The following HOOK1 variants were observed in gnomAD, a reference collection of about 807,000 sequenced individuals.
HOOK1 encodes hook microtubule tethering protein 1.
In HOOK1, 60 loss-of-function variants were observed where a neutral mutation model predicts 112.8. That is an observed-to-expected ratio of 0.53 (90% confidence interval 0.43 to 0.66). The LOEUF is 0.66. Ranked by LOEUF, HOOK1 falls within the 30% of genes least tolerant of loss-of-function variation. HOOK1 has a pLI of 0.00. For missense variants in HOOK1, 770 were observed against 856.0 expected, an observed-to-expected ratio of 0.90 and a Z score of 1.25; for synonymous variants, 294 against 283.8, an observed-to-expected ratio of 1.04 and a Z score of -0.36.
At chr1:59,861,218 G>C (rs979181936) in intron 15 of HOOK1, among the ~76,000 whole-genome samples, 4 of 152,112 alleles carry the variant, frequency 2.6e-5, no homozygotes, top group Non-Finnish European at 5.9e-5. Context: ...GGCCCACCAG[G>C]CTACTTATTC....
At chr1:59,829,236 A>T (rs1030376371) in intron 3 of HOOK1, among the ~76,000 whole-genome samples, 1 of 152,028 alleles carries the variant, frequency 6.6e-6, no homozygotes, top group African/African-American at 2.4e-5. Flanking sequence ...CTGCATTAGT[A>T]GTTATTTCTT....
At position 59,835,355 on chromosome 1, in the gene HOOK1, A is replaced by G. The variant is rs201058228; in HGVS notation, c.417A>G (p.Gln139=). 4.4e-5 allele frequency: 70 copies of G among 1,578,150 alleles called. No individual in the cohort carries two copies. Among genetic ancestry groups the G allele is most frequent in the Non-Finnish European group, 5.7e-5 (66 of 1,148,816 alleles). The change falls in exon 6 of 22, where the codon CAA becomes CAG. Residue 139 remains glutamine (Q), a synonymous_variant. Transcript: ENST00000371208. The part of the protein sequence containing the change: ...INCEKKQEHI[Q]NIMTLEESVQ... ...TTTTTTAAATCATAGAACATATTCAAAATATAATGACACTGGAAGAGTCTG... is the reference window on the plus strand; with the variant it reads ...TTTTTTAAATCATAGAACATATTCAGAATATAATGACACTGGAAGAGTCTG...
At chr1:59,821,746 C>G (rs2098385803) in intron 1 of HOOK1, 112 bp from the exon 2 acceptor site, 3 of 703,698 alleles carry the variant, frequency 4.3e-6, no homozygotes, top group South Asian at 2.1e-5. Context: ...AAAACAGGAC[C>G]ATGTTTTTTT....
At chr1:59,849,720 A>G (rs185039072) in intron 12 of HOOK1, among the ~76,000 whole-genome samples, 1 of 151,726 alleles carries the variant, frequency 6.6e-6, no homozygotes, top group Non-Finnish European at 1.5e-5. Context: ...TCTTTCTGCA[A>G]TATGTAATCA....
chr1:59,859,794 A>T (rs1354544511), intron 14 of HOOK1, among the ~76,000 whole-genome samples: 1 of 151,936 alleles, frequency 6.6e-6, no homozygotes, highest in African/African-American at 2.4e-5. Context: ...TCTTAAATCT[A>T]TTGCTTTTCT....
chr1:59,836,828 A>G (rs1348089924), intron 6 of HOOK1, 45 bp from the exon 7 acceptor site: 1 of 1,075,752 alleles, frequency 9.3e-7, no homozygotes, highest in Non-Finnish European at 1.4e-6. Context: ...TTTACTTCAT[A>G]AACATCACAT....
chr1:59,870,775 C>A (rs191731023), intron 20 of HOOK1: 58 of 263,626 alleles, frequency 2.2e-4, no homozygotes, highest in African/African-American at 1.2e-3. Flanking sequence ...GCCTTAAAAT[C>A]ACTAGTTGTG....
rs368049146 is a variant in HOOK1 at position 59,856,978 on chromosome 1, G to A, written c.1243-1450G>A. On this transcript the variant is annotated intron_variant, in intron 12 of 21. Transcript: ENST00000371208. ...CAGAGCTTTTTAAAGATTCCTATGG[G>A]CATCTTATTTCTCAGATCTTTCTTG... Among the ~76,000 whole-genome samples the A allele has an allele frequency of 3.9e-5, 6 of 152,158 alleles. No homozygotes were observed. In the East Asian group the frequency reaches 7.7e-4, roughly 20 times the overall value.
chr1:59,870,965 T>C, intron 20 of HOOK1, 77 bp from the exon 21 acceptor site: 1 of 940,330 alleles, frequency 1.1e-6, no homozygotes, highest in Non-Finnish European at 1.7e-6. Context: ...ATAATGAACA[T>C]AGTGAAGAAA....
In HOOK1 at chr1:59,821,488, GT is replaced by G. The variant is rs367798616; in HGVS notation, c.64-368del. ...TCAAATGATATGAGTGAAATTTTAAGTTGCAAATGTTGGGTTATCTTTAAGT... is the reference window on the plus strand; with the variant it reads ...TCAAATGATATGAGTGAAATTTTAAGTGCAAATGTTGGGTTATCTTTAAGT... On this transcript the variant is annotated intron_variant, in intron 1 of 21. Transcript: ENST00000371208. 1.8e-3 allele frequency among the ~76,000 whole-genome samples: 280 copies of G among 152,274 alleles called. 1 individual carries two copies. Among genetic ancestry groups the G allele is most frequent in the African/African-American group, 6.4e-3 (264 of 41,550 alleles).
intron 9 of HOOK1, 129 bp from the exon 10 acceptor site, chr1:59,846,916 T>C: frequency 1.7e-6 from 1 of 587,002 alleles, no homozygotes. Context: ...TGATACATAT[T>C]TTATTCATCA....
intron 14 of HOOK1, among the ~76,000 whole-genome samples, chr1:59,859,476 A>G (rs2098412428): frequency 1.3e-5 from 2 of 152,036 alleles, no homozygotes; most frequent in Non-Finnish European, 2.9e-5. Flanking sequence ...TAAAATTAGT[A>G]ATTTAAAAAA....
intron 9 of HOOK1, among the ~76,000 whole-genome samples, chr1:59,846,831 C>T (rs984935812): frequency 1.1e-4 from 16 of 150,978 alleles, no homozygotes; most frequent in Admixed American, 8.0e-4. Flanking sequence ...CTTCTTATTG[C>T]GACTGATTTC....
At chr1:59,864,110 T>C (rs963746635) in intron 16 of HOOK1, among the ~76,000 whole-genome samples, 1 of 152,012 alleles carries the variant, frequency 6.6e-6, no homozygotes, top group Non-Finnish European at 1.5e-5. Flanking sequence ...GAGGAAATTG[T>C]ATGTTTAAAA....
At position 59,855,956 on chromosome 1, in the gene HOOK1, AT is replaced by A. The variant is rs2098410292; in HGVS notation, c.1243-2471del. On this transcript the variant is annotated intron_variant, in intron 12 of 21. Coordinates refer to ENST00000371208, the MANE Select transcript of HOOK1 (RefSeq NM_015888.6). ...ACCCAGCTAATTTATATATATATATATATAAATTATTATATATATATATATA... is the reference window on the plus strand; with the variant it reads ...ACCCAGCTAATTTATATATATATATAATAAATTATTATATATATATATATA... 4.0e-5 allele frequency among the ~76,000 whole-genome samples: 4 copies of A among 100,572 alleles called. 1 individual carries two copies. Among genetic ancestry groups the A allele is most frequent in the Admixed American group, 2.3e-4 (2 of 8,764 alleles). The allele number at this position is 100,572 out of a possible 152,430, so 66.0% of individuals were successfully genotyped here.
intron 7 of HOOK1, among the ~76,000 whole-genome samples, chr1:59,838,536 G>C (rs1230124941): frequency 6.6e-6 from 1 of 152,094 alleles, no homozygotes; most frequent in Non-Finnish European, 1.5e-5. Flanking sequence ...CCCATTTTTT[G>C]ATGGGGTTTT....
chr1:59,871,146 G>T, intron 21 of HOOK1, 36 bp downstream of exon 21: 4 of 1,478,820 alleles, frequency 2.7e-6, no homozygotes, highest in Non-Finnish European at 3.8e-6. Flanking sequence ...GGATGAGAAC[G>T]GTGTTTAAGC....
At chr1:59,846,582 CCTTCCTCCCT>C (rs1449756604) in intron 9 of HOOK1, among the ~76,000 whole-genome samples, 15 of 58,298 alleles carry the variant, frequency 2.6e-4, no homozygotes, top group African/African-American at 4.3e-4. Flanking sequence ...TTCCTTCCTT[CCTTCCTCCCT>C]CCTCCCTCCC....
At chr1:59,828,932 C>T (rs2098391901) in intron 3 of HOOK1, 80 bp downstream of exon 3, 1 of 1,102,918 alleles carries the variant, frequency 9.1e-7, no homozygotes, top group Admixed American at 2.1e-5. Context: ...ATCTGTTTTT[C>T]AAATTAACTT....
Sources: gnomAD v4.1 joint callset for allele counts (sites outside exome capture counted in the v4.1 genomes callset) on GRCh38, gnomAD v4.1.1 for gene constraint, MANE v1.5 for transcripts, NCBI Gene and HGNC (gene_info 2026-07-23, HGNC 2026-07-21) for gene names.